TRPM2: variants seen among roughly 807,000 people sequenced by gnomAD.
TRPM2 encodes transient receptor potential cation channel subfamily M member 2, also known as estrogen-responsive element-associated gene 1 protein.
Under a neutral mutation model 174.0 loss-of-function variants are expected in TRPM2, and 161 were observed. That is an observed-to-expected ratio of 0.93 (90% CI 0.81 to 1.05). The LOEUF is 1.05. Ranked by LOEUF, TRPM2 falls within the 50% of genes least tolerant of loss-of-function variation. TRPM2 has a pLI of 0.00. For missense variants in TRPM2, 2,057 were observed against 2,038.0 expected (o/e 1.01, Z -0.18); for synonymous variants, 954 against 861.3 (o/e 1.11, Z -1.88).
intron 11 of TRPM2, among the ~76,000 whole-genome samples, 175 bp from the exon 12 acceptor site, chr21:44,395,236 TTCA>T (rs2049305103): frequency 6.6e-6 from 1 of 152,228 alleles, no homozygotes; most frequent in Non-Finnish European, 1.5e-5. Context: ...TTTAAAAAAC[TTCA>T]GTGTGCATAA....
At chr21:44,426,471 A>G (rs2050781831) in intron 25 of TRPM2, among the ~76,000 whole-genome samples, 189 bp from the exon 26 acceptor site, 1 of 149,018 alleles carries the variant, frequency 6.7e-6, no homozygotes, top group Admixed American at 6.6e-5. Context: ...CCCTGATCCC[A>G]GCCCCCGGCC....
Position 44,401,901 on chromosome 21 carries a change from C to A in TRPM2, c.2538+4C>A. ...GGTGTGCGAGGAGATGCGGCAGGTACAGCCCCACCCGCTTTTCCACGCCCC... is the reference window on the plus strand; with the variant it reads ...GGTGTGCGAGGAGATGCGGCAGGTAAAGCCCCACCCGCTTTTCCACGCCCC... On this transcript the variant is annotated splice_donor_region_variant and intron_variant, in intron 16 of 31. Coordinates refer to ENST00000397928, the MANE Select transcript of TRPM2 (RefSeq NM_003307.4). 1 of 1,613,526 alleles carries A rather than the reference C, an allele frequency of 6.2e-7. No individual in the cohort carries two copies. Among genetic ancestry groups the A allele is most frequent in the Non-Finnish European group, 8.5e-7 (1 of 1,179,958 alleles).
Position 44,395,623 on chromosome 21 carries a change from A to G in TRPM2, c.1932+72A>G, listed in dbSNP as rs576929152. On this transcript the variant is annotated intron_variant, in intron 12 of 31. Coordinates refer to ENST00000397928, the MANE Select transcript of TRPM2 (RefSeq NM_003307.4). ...GCGGCCAGCTGGGGAGTGTGGCTGG[A>G]GAGAGTGGCTGGAGAGCCTGAGGCC... 58 of 1,593,642 alleles carry G rather than the reference A, an allele frequency of 3.6e-5. No individual in the cohort carries two copies. The African/African-American group carries it at 7.2e-4, about 20-fold the overall frequency.
chr21:44,377,814 C>T (rs2048752231), intron 7 of TRPM2, 41 bp downstream of exon 7: 1 of 1,609,454 alleles, frequency 6.2e-7, no homozygotes, highest in Non-Finnish European at 8.5e-7. Flanking sequence ...GTGGGCCCGT[C>T]CTGCTGCAGG....
intron 22 of TRPM2, chr21:44,423,355 G>A: frequency 2.4e-6 from 1 of 424,392 alleles, no homozygotes; most frequent in Non-Finnish European, 4.4e-6. Context: ...CTGTCACCTG[G>A]CCCTCCCTCA....
At position 44,366,253 on chromosome 21, in the gene TRPM2, GGGCAGAGGGGAC is replaced by G; in HGVS notation, c.424-500_424-489del. 6.6e-6 allele frequency among the ~76,000 whole-genome samples: 1 copy of G among 150,994 alleles called. No homozygotes were observed. Among genetic ancestry groups the G allele is most frequent in the East Asian group, 1.9e-4 (1 of 5,132 alleles). On this transcript the variant is annotated intron_variant, in intron 3 of 31. Coordinates refer to ENST00000397928, the MANE Select transcript of TRPM2 (RefSeq NM_003307.4). The surrounding 1 kb of genome is among the most constrained non-coding windows in gnomAD (Gnocchi z 6.0). ...CAGGGGCCACAGAGCAGAGGGGATA[GGGCAGAGGGGAC>G]AGGAGAGGGGACAGGAGAGGGGACA...
intron 3 of TRPM2, 130 bp downstream of exon 3, chr21:44,364,412 G>A (rs2048300855): frequency 3.6e-6 from 4 of 1,104,650 alleles, no homozygotes; most frequent in Non-Finnish European, 5.2e-6. Context: ...AGAGCCCACT[G>A]CACAGCAAGG....
intron 11 of TRPM2, among the ~76,000 whole-genome samples, chr21:44,392,067 C>T (rs913533128): frequency 6.6e-6 from 1 of 152,134 alleles, no homozygotes. Flanking sequence ...CAGGCTCAAG[C>T]AATCCTCCCA....
chr21:44,428,570 C>G (rs1347144197), intron 27 of TRPM2, among the ~76,000 whole-genome samples: 1 of 148,700 alleles, frequency 6.7e-6, no homozygotes, highest in African/African-American at 2.5e-5. Flanking sequence ...GTGGCTCCTC[C>G]CTGAGGTGTG....
At position 44,438,397 on chromosome 21, in the gene TRPM2, G is replaced by C. The variant is rs2051357421; in HGVS notation, c.4168-670G>C. 6.6e-6 allele frequency among the ~76,000 whole-genome samples: 1 copy of C among 152,208 alleles called. No individual in the cohort carries two copies. The highest frequency in any genetic ancestry group is 2.4e-5 in the African/African-American group (1 of 41,452). On this transcript the variant is annotated intron_variant, in intron 29 of 31. Coordinates refer to ENST00000397928, the MANE Select transcript of TRPM2 (RefSeq NM_003307.4). This position sits in a 1 kb window ranked among gnomAD's most constrained non-coding sequence, Gnocchi z 5.9. Reference sequence around the variant, plus strand: ...GTCACTGAGAGGGGCACTCTGAGGGGCCTCCTGGGTTCCTGGCTCTGTAGG... The same window carrying C: ...GTCACTGAGAGGGGCACTCTGAGGGCCCTCCTGGGTTCCTGGCTCTGTAGG...
chr21:44,426,822 C>T (rs1466922126), intron 26 of TRPM2, 86 bp downstream of exon 26: 3 of 1,548,428 alleles, frequency 1.9e-6, no homozygotes, highest in East Asian at 4.5e-5. Flanking sequence ...AGTCAGAGCC[C>T]AGCCCGGGGA....
chr21:44,361,373 A>T (rs1383274376), intron 2 of TRPM2, among the ~76,000 whole-genome samples: 1 of 152,154 alleles, frequency 6.6e-6, no homozygotes, highest in Admixed American at 6.5e-5. Flanking sequence ...TTGGCCTCCC[A>T]CAGTGCTGGG....
At chr21:44,350,686 G>C (rs375095707), upstream of TRPM2, among the ~76,000 whole-genome samples, 2 of 140,294 alleles carry the variant, frequency 1.4e-5, no homozygotes, top group Non-Finnish European at 3.2e-5. Flanking sequence ...TGCAGGGGCG[G>C]GCGGGGTTCG....
At chr21:44,395,341 C>A (rs532328926) in intron 11 of TRPM2, 73 bp from the exon 12 acceptor site, 66 of 1,565,490 alleles carry the variant, frequency 4.2e-5, no homozygotes, top group Non-Finnish European at 5.7e-5. Context: ...AGGGCCTGCA[C>A]CTCTGACAGG....
chr21:44,359,879 CG>C (rs1244474378), intron 2 of TRPM2, among the ~76,000 whole-genome samples: 1 of 151,874 alleles, frequency 6.6e-6, no homozygotes, highest in East Asian at 1.9e-4. Context: ...TCCTGAGTAG[CG>C]GGGACTACAG....
At chr21:44,413,037 A>G (rs536195808) in intron 19 of TRPM2, among the ~76,000 whole-genome samples, 1 of 152,200 alleles carries the variant, frequency 6.6e-6, no homozygotes, top group African/African-American at 2.4e-5. Context: ...ATGTTTCCTT[A>G]GAGATTTGTT....
At chr21:44,402,355 G>A (rs574410689) in intron 16 of TRPM2, among the ~76,000 whole-genome samples, 4 of 152,298 alleles carry the variant, frequency 2.6e-5, no homozygotes, top group South Asian at 4.1e-4. Context: ...GGGGAGGGAC[G>A]CAGCTGCATC....
intron 9 of TRPM2, among the ~76,000 whole-genome samples, chr21:44,386,551 T>G (rs757055577): frequency 6.6e-6 from 1 of 152,082 alleles, no homozygotes; most frequent in Non-Finnish European, 1.5e-5. Flanking sequence ...GGTGAAAGAC[T>G]TGTACAATGA....
intron 27 of TRPM2, among the ~76,000 whole-genome samples, chr21:44,428,402 C>T (rs1220236271): frequency 3.7e-5 from 5 of 133,926 alleles, no homozygotes; most frequent in African/African-American, 1.7e-4. Context: ...GTGGCTCCTC[C>T]CCTTAGGTGT....
Sources: allele counts gnomAD v4.1 joint callset (sites outside exome capture counted in the v4.1 genomes callset), GRCh38; gene constraint gnomAD v4.1.1; non-coding constraint Gnocchi (gnomAD v3.1); transcripts MANE v1.5; gene names NCBI Gene and HGNC (gene_info 2026-07-23, HGNC 2026-07-21).